DEPDC1B: variants seen among roughly 807,000 people sequenced by gnomAD.
The protein encoded by DEPDC1B is DEP domain-containing protein 1B.
DEPDC1B carries 51 observed loss-of-function variants against 66.5 expected under a neutral mutation model. That is an observed-to-expected ratio of 0.77 (90% CI 0.61 to 0.97). The LOEUF (loss-of-function observed/expected upper bound fraction) is 0.97, where lower values mean the gene tolerates loss of function less well. DEPDC1B is among the 50% of genes least tolerant of loss of function. The probability of loss-of-function intolerance (pLI) is 0.00; values close to 1 mark genes in which losing one functional copy is unlikely to be tolerated. For missense variants in DEPDC1B, 552 were observed against 637.1 expected, an observed-to-expected ratio of 0.87 and a Z score of 1.44; for synonymous variants, 226 against 223.6, an observed-to-expected ratio of 1.01 and a Z score of -0.10.
chr5:60,655,918 A>G (rs992286815), intron 2 of DEPDC1B, among the ~76,000 whole-genome samples: 1 of 148,842 alleles, frequency 6.7e-6, no homozygotes, highest in African/African-American at 2.5e-5. Flanking sequence ...ATGTCTTTGC[A>G]TGGCTTTGAG....
At chr5:60,606,116 A>G (rs1385280979) in intron 7 of DEPDC1B, among the ~76,000 whole-genome samples, 1 of 151,864 alleles carries the variant, frequency 6.6e-6, no homozygotes, top group Admixed American at 6.6e-5. Flanking sequence ...ATATATCTCA[A>G]TTTTCATAGC....
chr5:60,690,587 T>C (rs1754520067), intron 1 of DEPDC1B, among the ~76,000 whole-genome samples: 1 of 152,214 alleles, frequency 6.6e-6, no homozygotes, highest in Non-Finnish European at 1.5e-5. Flanking sequence ...TTAAAATTCA[T>C]AGTCATATTC....
intron 9 of DEPDC1B, among the ~76,000 whole-genome samples, chr5:60,600,779 A>C (rs1241823467): frequency 6.6e-6 from 1 of 152,264 alleles, no homozygotes; most frequent in Non-Finnish European, 1.5e-5. Flanking sequence ...AGGCTAAGTT[A>C]CTACAATATA....
intron 2 of DEPDC1B, among the ~76,000 whole-genome samples, chr5:60,684,705 C>T (rs1754373209): frequency 6.6e-6 from 1 of 152,008 alleles, no homozygotes; most frequent in Non-Finnish European, 1.5e-5. Flanking sequence ...GGTAAGACTA[C>T]AAAAGCACAG....
intron 1 of DEPDC1B, among the ~76,000 whole-genome samples, chr5:60,691,323 G>A (rs533424549): frequency 1.3e-5 from 2 of 152,086 alleles, no homozygotes; most frequent in South Asian, 4.2e-4. Flanking sequence ...CAAAGTGCTG[G>A]GATTACAGGC....
chr5:60,645,405 CAG>C, intron 4 of DEPDC1B, 85 bp downstream of exon 4: 1 of 1,288,218 alleles, frequency 7.8e-7, no homozygotes, highest in Non-Finnish European at 1.0e-6. Flanking sequence ...TACATAATTT[CAG>C]AAAATTAAAT....
At chr5:60,624,729 A>G (rs921078153) in intron 7 of DEPDC1B, among the ~76,000 whole-genome samples, 28 of 152,058 alleles carry the variant, frequency 1.8e-4, no homozygotes, top group Admixed American at 2.6e-4. Flanking sequence ...ATGTTATTTT[A>G]TTATTATTAT....
intron 7 of DEPDC1B, among the ~76,000 whole-genome samples, chr5:60,636,786 T>C (rs1753053531): frequency 6.6e-6 from 1 of 152,148 alleles, no homozygotes; most frequent in African/African-American, 2.4e-5. Flanking sequence ...GGTTAATGTA[T>C]TACCATCCAT....
At chr5:60,690,245 A>G (rs1413250217) in intron 1 of DEPDC1B, among the ~76,000 whole-genome samples, 1 of 152,184 alleles carries the variant, frequency 6.6e-6, no homozygotes, top group Non-Finnish European at 1.5e-5. Flanking sequence ...GAGAAAAACT[A>G]GAACTAATTT....
intron 7 of DEPDC1B, among the ~76,000 whole-genome samples, chr5:60,624,725 T>C (rs957106169): frequency 6.6e-5 from 10 of 152,186 alleles, no homozygotes; most frequent in African/African-American, 2.4e-4. Flanking sequence ...ATACATGTTA[T>C]TTTATTATTA....
At position 60,597,323 on chromosome 5, in the gene DEPDC1B, G is replaced by A. The variant is rs1752115859; in HGVS notation, c.*430C>T. On this transcript the variant is annotated 3_prime_UTR_variant, in exon 11 of 11. Coordinates refer to ENST00000265036, the MANE Select transcript of DEPDC1B (RefSeq NM_018369.3). ...TGGCTACTAAGTCAATAGCATCACA[G>A]TAACAGTACCCAGTGTCTTTCTTAT... is the stretch of plus-strand genomic sequence containing the variant. 1.3e-5 allele frequency: 2 copies of A among 154,444 alleles called. No individual in the cohort carries two copies. Among genetic ancestry groups the A allele is most frequent in the Non-Finnish European group, 2.9e-5 (2 of 69,434 alleles). 9.6% of individuals were successfully genotyped at this position (154,444 alleles called of 1,614,324 possible).
chr5:60,680,797 C>T (rs1428846906), intron 2 of DEPDC1B, among the ~76,000 whole-genome samples: 1 of 152,148 alleles, frequency 6.6e-6, no homozygotes, highest in Non-Finnish European at 1.5e-5. Context: ...GTTGATTACA[C>T]CAAATGTTTC....
At chr5:60,671,533 C>T (rs767350638) in intron 2 of DEPDC1B, among the ~76,000 whole-genome samples, 4 of 152,218 alleles carry the variant, frequency 2.6e-5, no homozygotes, top group Non-Finnish European at 5.9e-5. Flanking sequence ...AACTCCCCAT[C>T]AGCCCGGGGA....
At chr5:60,675,903 CTTTTTTT>C (rs35113345) in intron 2 of DEPDC1B, among the ~76,000 whole-genome samples, 6 of 138,970 alleles carry the variant, frequency 4.3e-5, no homozygotes, top group Non-Finnish European at 6.4e-5. Flanking sequence ...TTTCTTTTTT[CTTTTTTT>C]TTTTTTTGTT....
chr5:60,691,518 C>T (rs1754545098), intron 1 of DEPDC1B, among the ~76,000 whole-genome samples: 1 of 151,926 alleles, frequency 6.6e-6, no homozygotes, highest in Admixed American at 6.6e-5. Flanking sequence ...TTAAGTTAGT[C>T]CAAATTTAAA....
intron 1 of DEPDC1B, among the ~76,000 whole-genome samples, chr5:60,689,218 A>G (rs1754490394): frequency 6.6e-6 from 1 of 152,248 alleles, no homozygotes; most frequent in African/African-American, 2.4e-5. Flanking sequence ...CATGTCTCAT[A>G]GCATCCTTGA....
At chr5:60,674,302 C>A (rs180797552) in intron 2 of DEPDC1B, among the ~76,000 whole-genome samples, 1 of 152,208 alleles carries the variant, frequency 6.6e-6, no homozygotes, top group Non-Finnish European at 1.5e-5. Flanking sequence ...TAAAAAAGGA[C>A]ATTATAAAAC....
chr5:60,660,358 GA>G (rs1379187057), intron 2 of DEPDC1B, among the ~76,000 whole-genome samples: 1 of 151,750 alleles, frequency 6.6e-6, no homozygotes, highest in African/African-American at 2.4e-5. Context: ...AAGTAGTAAA[GA>G]AAAAAGTGTA....
chr5:60,655,139 G>A lies in DEPDC1B; in HGVS notation c.315-7606C>T, dbSNP rs559422027. 5.7e-4 allele frequency among the ~76,000 whole-genome samples: 85 copies of A among 148,988 alleles called. 1 individual carries two copies. Among genetic ancestry groups the A allele is most frequent in the Non-Finnish European group, 1.1e-3 (73 of 67,856 alleles). Reference sequence around the variant, plus strand: ...ATATAAGGGCGATAATGGCTTCATAGAATGATTTAGGGAGGATTCCCTCTT... The same window carrying A: ...ATATAAGGGCGATAATGGCTTCATAAAATGATTTAGGGAGGATTCCCTCTT... On this transcript the variant is annotated intron_variant, in intron 2 of 10. Transcript: ENST00000265036.
Sources: allele counts gnomAD v4.1 joint callset (sites outside exome capture counted in the v4.1 genomes callset), GRCh38; gene constraint gnomAD v4.1.1; transcripts MANE v1.5; gene names NCBI Gene and HGNC (gene_info 2026-07-23, HGNC 2026-07-21).